The following PPP1R9A variants were observed in gnomAD, a reference collection of about 807,000 sequenced individuals.
The protein encoded by PPP1R9A is neurabin-1.
A neutral mutation model predicts 141.9 loss-of-function variants in PPP1R9A; 59 were observed. The ratio of observed to expected loss-of-function variants is 0.42; its 90% CI spans 0.34 to 0.52. PPP1R9A has a LOEUF of 0.52. Among genes scored for constraint, PPP1R9A ranks in the 20% least tolerant of loss-of-function variants. The pLI, the probability that PPP1R9A is intolerant of heterozygous loss-of-function variation, is 0.10. For missense variants in PPP1R9A, 1,444 were observed against 1,611.9 expected (o/e 0.90, Z 1.78); for synonymous variants, 500 against 569.7 (o/e 0.88, Z 1.74).
intron 2 of PPP1R9A, among the ~76,000 whole-genome samples, chr7:95,020,131 A>G (rs1230190728): frequency 6.6e-6 from 1 of 152,156 alleles, no homozygotes; most frequent in Non-Finnish European, 1.5e-5. Context: ...TATTTATTAT[A>G]TAATTCTACT....
intron 2 of PPP1R9A, among the ~76,000 whole-genome samples, chr7:94,929,549 A>G (rs911474734): frequency 1.4e-4 from 22 of 152,152 alleles, no homozygotes; most frequent in African/African-American, 5.3e-4. Flanking sequence ...TTGTTGGTAC[A>G]TGGTAAGGCA....
chr7:95,021,426 GT>G (rs1352935617), intron 2 of PPP1R9A, among the ~76,000 whole-genome samples: 2 of 151,724 alleles, frequency 1.3e-5, no homozygotes, highest in African/African-American at 4.8e-5. Flanking sequence ...TAGGTTGCCT[GT>G]TCACTCTGAT....
chr7:95,024,348 T>G (rs1354013372), intron 2 of PPP1R9A, among the ~76,000 whole-genome samples: 2 of 152,158 alleles, frequency 1.3e-5, no homozygotes, highest in African/African-American at 4.8e-5. Context: ...TTCTGCCTCC[T>G]TGAGGTGTCT....
At chr7:95,240,445 A>T (rs939135811) in intron 8 of PPP1R9A, among the ~76,000 whole-genome samples, 1 of 151,336 alleles carries the variant, frequency 6.6e-6, no homozygotes, top group African/African-American at 2.4e-5. Context: ...TGTCATCAGT[A>T]TCTATTACGT....
chr7:94,945,763 A>T (rs1795828188), intron 2 of PPP1R9A, among the ~76,000 whole-genome samples: 1 of 152,088 alleles, frequency 6.6e-6, no homozygotes, highest in African/African-American at 2.4e-5. Flanking sequence ...ATTATTTGAC[A>T]TGCCCAAAGC....
intron 2 of PPP1R9A, among the ~76,000 whole-genome samples, chr7:94,949,291 A>C (rs1796209979): frequency 6.6e-6 from 1 of 152,046 alleles, no homozygotes; most frequent in Non-Finnish European, 1.5e-5. Flanking sequence ...TGGTTTCTAC[A>C]CTCACAGATT....
At chr7:94,980,182 T>A (rs1320643485) in intron 2 of PPP1R9A, among the ~76,000 whole-genome samples, 4 of 126,148 alleles carry the variant, frequency 3.2e-5, no homozygotes, top group Admixed American at 8.1e-5. Context: ...GCTGATGAGC[T>A]AAAAAAAAAA....
At chr7:95,279,463 C>T (rs1327152069) in intron 16 of PPP1R9A, among the ~76,000 whole-genome samples, 3 of 152,148 alleles carry the variant, frequency 2.0e-5, no homozygotes, top group Non-Finnish European at 4.4e-5. Context: ...CAGCTTAGCC[C>T]TAGTAGATCG....
chr7:95,042,995 T>C (rs764159759), intron 2 of PPP1R9A, among the ~76,000 whole-genome samples: 1 of 152,194 alleles, frequency 6.6e-6, no homozygotes, highest in Non-Finnish European at 1.5e-5. Context: ...AACCATATTT[T>C]TAAAATGTTT....
At chr7:95,218,438 T>C (rs1793846750) in intron 7 of PPP1R9A, among the ~76,000 whole-genome samples, 1 of 152,202 alleles carries the variant, frequency 6.6e-6, no homozygotes, top group Admixed American at 6.5e-5. Context: ...GAAGAATGTA[T>C]ATTCTGTTGA....
chr7:95,035,798 T>A (rs1808349419), intron 2 of PPP1R9A: 1 of 152,174 alleles, frequency 6.6e-6, no homozygotes, highest in Non-Finnish European at 1.5e-5. Context: ...TCAAGAGCAG[T>A]TTTCCCCCAA....
intron 2 of PPP1R9A, among the ~76,000 whole-genome samples, chr7:94,932,569 G>T (rs1298879607): frequency 6.6e-6 from 1 of 152,092 alleles, no homozygotes. Context: ...GAGAGAGTAT[G>T]TATTCATGGC....
intron 2 of PPP1R9A, among the ~76,000 whole-genome samples, chr7:95,069,013 T>A (rs528602578): frequency 2.6e-4 from 40 of 152,344 alleles, no homozygotes; most frequent in Non-Finnish European, 4.0e-4. Flanking sequence ...ACACACGTCC[T>A]CCTGTCTACT....
intron 2 of PPP1R9A, among the ~76,000 whole-genome samples, chr7:94,968,178 CTCT>C: frequency 6.6e-6 from 1 of 151,888 alleles, no homozygotes; most frequent in Admixed American, 6.5e-5. Context: ...CCTTCTTTGT[CTCT>C]TTTTTTTTTG....
At chr7:94,941,624 G>A (rs1266079361) in intron 2 of PPP1R9A, among the ~76,000 whole-genome samples, 1 of 149,718 alleles carries the variant, frequency 6.7e-6, no homozygotes, top group Non-Finnish European at 1.5e-5. Context: ...TTTTTTTTTG[G>A]CCTAGGCTGA....
intron 5 of PPP1R9A, among the ~76,000 whole-genome samples, chr7:95,183,346 G>T (rs146843227): frequency 0.036 from 5,485 of 151,640 alleles, 167 homozygotes; most frequent in Non-Finnish European, 0.059. Flanking sequence ...CACCATGTTT[G>T]CCAGGCTGGT....
At position 95,270,026 on chromosome 7, in the gene PPP1R9A, G is replaced by T. The variant is rs141756536; in HGVS notation, c.3124+519G>T. Among the ~76,000 whole-genome samples the T allele has an allele frequency of 6.0e-4, 92 of 152,240 alleles. 1 individual carries two copies. Among genetic ancestry groups the T allele is most frequent in the Admixed American group, 2.4e-3 (36 of 15,284 alleles). The stretch of plus-strand genomic sequence containing the variant: ...TCTTCTAGAAGAGGGATAATCAACC[G>T]AATGTAGTCTCCACCTGCTTTTGTA... On this transcript the variant is annotated intron_variant, in intron 14 of 19. Coordinates refer to ENST00000433360, the MANE Select transcript of PPP1R9A (RefSeq NM_001166160.2).
chr7:95,292,085 C>T lies in PPP1R9A; in HGVS notation c.*1782C>T, dbSNP rs1359706640. ...AGACCCTTCATTCAATCCTCAGAAACGTTGACATGAAGTAACATTGTGTTT... is the reference window on the plus strand; with the variant it reads ...AGACCCTTCATTCAATCCTCAGAAATGTTGACATGAAGTAACATTGTGTTT... On this transcript the variant is annotated 3_prime_UTR_variant, in exon 20 of 20. Coordinates refer to ENST00000433360, the MANE Select transcript of PPP1R9A (RefSeq NM_001166160.2). 1 of 152,134 alleles carries T rather than the reference C, an allele frequency of 6.6e-6. No individual in the cohort carries two copies. The allele number at this position is 152,134 out of a possible 1,614,324, so 9.4% of individuals were successfully genotyped here. A position where few individuals can be genotyped will look rare whatever the true frequency, so the allele number is the denominator to read the frequency against.
At chr7:94,972,118 GAAT>G (rs1427589303) in intron 2 of PPP1R9A, among the ~76,000 whole-genome samples, 1 of 152,192 alleles carries the variant, frequency 6.6e-6, no homozygotes, top group African/African-American at 2.4e-5. Context: ...TGTGGGATGT[GAAT>G]AATAATGCCT....
Sources: allele counts gnomAD v4.1 joint callset (sites outside exome capture counted in the v4.1 genomes callset), GRCh38; gene constraint gnomAD v4.1.1; transcripts MANE v1.5; gene names NCBI Gene and HGNC (gene_info 2026-07-23, HGNC 2026-07-21).